WASHC4: variants seen among roughly 807,000 people sequenced by gnomAD.
WASHC4 encodes WASH complex subunit 7.
In WASHC4, 86 loss-of-function variants were observed where a neutral mutation model predicts 166.6. The ratio of observed to expected loss-of-function variants is 0.52; its 90% CI spans 0.43 to 0.62. WASHC4 has a LOEUF of 0.62. Among genes scored for constraint, WASHC4 ranks in the 20% least tolerant of loss-of-function variants. The probability of loss-of-function intolerance (pLI) is 0.00; values close to 1 mark genes in which losing one functional copy is unlikely to be tolerated. For synonymous variants in WASHC4, 446 were observed against 451.6 expected, an observed-to-expected ratio of 0.99 and a Z score of 0.16; for missense variants, 1,262 against 1,382.4, an observed-to-expected ratio of 0.91 and a Z score of 1.38.
In WASHC4 at chr12:105,143,249, A is replaced by G. The variant is rs1178051200; in HGVS notation, c.2010+6A>G. 1.4e-6 allele frequency: 2 copies of G among 1,421,548 alleles called. No homozygotes were observed. The highest frequency in any genetic ancestry group is 1.4e-5 in the African/African-American group (1 of 71,060). The allele number at this position is 1,421,548 out of a possible 1,614,324, so 88.1% of individuals were successfully genotyped here. On this transcript the variant is annotated splice_donor_region_variant and intron_variant, in intron 20 of 32. Transcript: ENST00000332180. ...TTATGGAAATTTTAAATGAGGTAAC[A>G]TCATATTTGAGATTGAAAAGCTTAA...
intron 13 of WASHC4, among the ~76,000 whole-genome samples, chr12:105,132,664 G>T (rs1881947145): frequency 6.6e-6 from 1 of 152,238 alleles, no homozygotes; most frequent in Non-Finnish European, 1.5e-5. Context: ...CTGGATGTGA[G>T]CTTGAATCTT....
In WASHC4 at chr12:105,115,185, C is replaced by T. The variant is rs1880063152; in HGVS notation, c.323C>T (p.Ala108Val). Residue 108 changes from alanine (A) to valine (V), a missense_variant and splice_region_variant, in exon 5 of 33, where the codon GCT becomes GTT. Transcript: ENST00000332180. Reference protein sequence around the residue: ...CCEIKKLKYEAETKFYNGLLF... With the variant: ...CCEIKKLKYEVETKFYNGLLF... ...TTTTAATTTTTTTCTTAAAAACAGG[C>T]TGAAACTAAATTTTACAATGGTCTC... 1 of 1,522,482 alleles carries T rather than the reference C, an allele frequency of 6.6e-7. No individual in the cohort carries two copies. Among genetic ancestry groups the T allele is most frequent in the Non-Finnish European group, 9.1e-7 (1 of 1,098,176 alleles). 94.3% of individuals were successfully genotyped at this position (1,522,482 alleles called of 1,614,324 possible).
intron 1 of WASHC4, among the ~76,000 whole-genome samples, chr12:105,110,106 A>G (rs746903166): frequency 2.6e-5 from 4 of 152,210 alleles, no homozygotes; most frequent in Non-Finnish European, 5.9e-5. Flanking sequence ...GTTTTCCAAA[A>G]TTGCCTAGAT....
chr12:105,120,747 CTT>C, intron 8 of WASHC4, 150 bp downstream of exon 8: 1 of 677,354 alleles, frequency 1.5e-6, no homozygotes, highest in Non-Finnish European at 2.7e-6. Context: ...CATTTGTTCT[CTT>C]TCATCTGTGA....
At chr12:105,115,588 T>C (rs1184430658) in intron 5 of WASHC4, 73 bp from the exon 6 acceptor site, 9 of 1,140,920 alleles carry the variant, frequency 7.9e-6, no homozygotes, top group Non-Finnish European at 1.2e-5. Context: ...AAAAAAACTT[T>C]TCCCCCTTTT....
chr12:105,145,017 A>G, intron 22 of WASHC4, 145 bp downstream of exon 22: 1 of 821,448 alleles, frequency 1.2e-6, no homozygotes, highest in Non-Finnish European at 1.9e-6. Flanking sequence ...ATACTTGACA[A>G]CAGTAAAAAA....
chr12:105,126,193 A>T (rs372430455), intron 11 of WASHC4, 42 bp from the exon 12 acceptor site: 180 of 1,611,946 alleles, frequency 1.1e-4, no homozygotes, highest in Non-Finnish European at 1.4e-4. Context: ...GCATAATTGA[A>T]GTATATTTGT....
At chr12:105,144,910 G>T in intron 22 of WASHC4, 38 bp downstream of exon 22, 1 of 1,593,326 alleles carries the variant, frequency 6.3e-7, no homozygotes, top group African/African-American at 1.3e-5. Flanking sequence ...TACTGTGACT[G>T]TTGGCTGTAA....
At chr12:105,114,107 C>T (rs1592841113) in intron 2 of WASHC4, 109 bp from the exon 3 acceptor site, 2 of 891,388 alleles carry the variant, frequency 2.2e-6, no homozygotes, top group East Asian at 2.7e-5. Context: ...ATGTTGAGTA[C>T]AGGATCTAAC....
At chr12:105,124,635 T>G (rs1881102997) in intron 10 of WASHC4, among the ~76,000 whole-genome samples, 1 of 151,792 alleles carries the variant, frequency 6.6e-6, no homozygotes, top group African/African-American at 2.4e-5. Flanking sequence ...CGTCCACCAC[T>G]GCACTCAGCT....
At chr12:105,108,729 C>T (rs949340879) in intron 1 of WASHC4, among the ~76,000 whole-genome samples, 3 of 146,874 alleles carry the variant, frequency 2.0e-5, no homozygotes, top group African/African-American at 8.0e-5. Flanking sequence ...TTGGAGCATG[C>T]TGTTTGTGAT....
At chr12:105,111,751 C>T (rs563869679) in intron 2 of WASHC4, among the ~76,000 whole-genome samples, 3 of 152,114 alleles carry the variant, frequency 2.0e-5, no homozygotes, top group Admixed American at 2.0e-4. Context: ...AAATACATTA[C>T]TCTTTCCATT....
chr12:105,129,180 G>A (rs1881565533), intron 13 of WASHC4, among the ~76,000 whole-genome samples: 1 of 152,064 alleles, frequency 6.6e-6, no homozygotes, highest in Admixed American at 6.6e-5. Context: ...TCCTGACCTT[G>A]TGATCTGCCT....
chr12:105,122,266 A>G (rs371024810), intron 10 of WASHC4, 28 bp downstream of exon 10: 144 of 1,607,062 alleles, frequency 9.0e-5, no homozygotes, highest in Non-Finnish European at 1.2e-4. Context: ...AGACTGTAAC[A>G]GTGGGGCTCA....
Position 105,127,365 on chromosome 12 carries a change from A to G in WASHC4, c.1199+76A>G, listed in dbSNP as rs540551358. 7.9e-5 allele frequency: 80 copies of G among 1,008,238 alleles called. No individual in the cohort carries two copies. The South Asian group carries it at 1.0e-3, about 13-fold the overall frequency. 62.5% of individuals were successfully genotyped at this position (1,008,238 alleles called of 1,614,324 possible). On this transcript the variant is annotated intron_variant, in intron 13 of 32. Transcript: ENST00000332180. ...CAAAGATTATACTAACACTTAATGT[A>G]TAGTACCATTTGAATTATAAGATTA...
At chr12:105,156,625 A>G (rs1364944205) in intron 26 of WASHC4, 101 bp from the exon 27 acceptor site, 1 of 938,596 alleles carries the variant, frequency 1.1e-6, no homozygotes, top group Non-Finnish European at 1.7e-6. Context: ...TTTGGTTCTT[A>G]GGAGTGGAAA....
At chr12:105,153,559 T>C (rs1883926642) in intron 26 of WASHC4, among the ~76,000 whole-genome samples, 1 of 152,210 alleles carries the variant, frequency 6.6e-6, no homozygotes, top group African/African-American at 2.4e-5. Flanking sequence ...TATGGAGCAA[T>C]AGTTCTTAAC....
At chr12:105,111,097 C>G in intron 1 of WASHC4, 28 bp from the exon 2 acceptor site, 1 of 1,554,778 alleles carries the variant, frequency 6.4e-7, no homozygotes, top group Non-Finnish European at 8.9e-7. Flanking sequence ...TTGCACTTAT[C>G]ACATACTGTT....
At position 105,140,308 on chromosome 12, in the gene WASHC4, G is replaced by T. The variant is rs1592888727; in HGVS notation, c.1467G>T (p.Met489Ile). Residue 489 changes from methionine (M) to isoleucine (I), a missense_variant, in exon 16 of 33, where the codon ATG becomes ATT. Coordinates refer to ENST00000332180, the MANE Select transcript of WASHC4 (RefSeq NM_015275.3). ...LVELLKAIEH[M>I]FYRRSMVVAD... ...ATTCTTTTTAGGCAATAGAGCATAT[G>T]TTCTACAGGAGAAGCATGGTTGTGG... The T allele has an allele frequency of 6.2e-7, 1 of 1,612,250 alleles. No individual in the cohort carries two copies. The highest frequency in any genetic ancestry group is 1.3e-5 in the African/African-American group (1 of 75,000).
Sources: gnomAD v4.1 joint callset for allele counts (sites outside exome capture counted in the v4.1 genomes callset) on GRCh38, gnomAD v4.1.1 for gene constraint, MANE v1.5 for transcripts, NCBI Gene and HGNC (gene_info 2026-07-23, HGNC 2026-07-21) for gene names.